FAM13B: variants seen among roughly 807,000 people sequenced by gnomAD.
The protein encoded by FAM13B is protein FAM13B.
In FAM13B, 60 loss-of-function variants were observed where a neutral mutation model predicts 117.3. That is an observed-to-expected ratio of 0.51 (90% CI 0.42 to 0.63). The LOEUF (loss-of-function observed/expected upper bound fraction) is 0.63, where lower values mean the gene tolerates loss of function less well. Ranked by LOEUF, FAM13B falls within the 30% of genes least tolerant of loss-of-function variation. The pLI, the probability that FAM13B is intolerant of heterozygous loss-of-function variation, is 0.00. For synonymous variants in FAM13B, 332 were observed against 356.1 expected (o/e 0.93, Z 0.76); for missense variants, 972 against 1,091.9 (o/e 0.89, Z 1.55).
At chr5:137,980,152 G>T (rs540074060) in intron 10 of FAM13B, among the ~76,000 whole-genome samples, 65 of 146,724 alleles carry the variant, frequency 4.4e-4, no homozygotes, top group African/African-American at 1.6e-3. Flanking sequence ...TAGCCGGGGC[G>T]ACAAGAATGA....
chr5:138,025,075 C>T (rs779169150), intron 1 of FAM13B, among the ~76,000 whole-genome samples: 4 of 151,566 alleles, frequency 2.6e-5, no homozygotes, highest in African/African-American at 7.3e-5. Context: ...AGTTTCACCA[C>T]GTTGGCCAGG....
chr5:137,999,104 C>CTTTTTTTTTTTTTTTTTTTTTTTTTT (rs397962950), intron 7 of FAM13B, among the ~76,000 whole-genome samples: 1 of 139,786 alleles, frequency 7.2e-6, no homozygotes. Context: ...CCTTCAGGGT[C>CTTTTTTTTTTTTTTTTTTTTTTTTTT]TTTTTTTTTT....
chr5:137,970,787 CA>C lies in FAM13B; in HGVS notation c.1180-8319del, dbSNP rs1384309371. Among the ~76,000 whole-genome samples the C allele has an allele frequency of 2.0e-5, 3 of 151,354 alleles. No individual in the cohort carries two copies. In the East Asian group the frequency reaches 5.8e-4, roughly 29 times the overall value. On this transcript the variant is annotated intron_variant, in intron 10 of 23. Coordinates refer to ENST00000689681, the MANE Select transcript of FAM13B (RefSeq NM_001385994.1). Reference sequence around the variant, plus strand: ...GAAGATCTACCAAGCAAATGGAAAACAAAAAAAGGCAGGGGTTGCAATCCTA... The same window carrying C: ...GAAGATCTACCAAGCAAATGGAAAACAAAAAAGGCAGGGGTTGCAATCCTA...
intron 10 of FAM13B, among the ~76,000 whole-genome samples, chr5:137,966,476 T>TAG (rs1769836390): frequency 3.0e-5 from 2 of 66,906 alleles, no homozygotes; most frequent in African/African-American, 5.5e-5. Flanking sequence ...TATATATATA[T>TAG]ATATATATAT....
chr5:138,031,985 C>A (rs1241624145), intron 1 of FAM13B, among the ~76,000 whole-genome samples: 2 of 152,214 alleles, frequency 1.3e-5, no homozygotes, highest in African/African-American at 4.8e-5. Context: ...TTTAGATTAT[C>A]AGATCCTTCA....
intron 15 of FAM13B, among the ~76,000 whole-genome samples, chr5:137,953,925 A>C (rs557238703): frequency 2.0e-5 from 3 of 152,284 alleles, no homozygotes; most frequent in East Asian, 3.9e-4. Context: ...GCAAACTTCA[A>C]ACGCTACACC....
intron 1 of FAM13B, among the ~76,000 whole-genome samples, chr5:138,041,564 C>A (rs1791500967): frequency 6.6e-6 from 1 of 151,760 alleles, no homozygotes; most frequent in South Asian, 2.1e-4. Context: ...TTAAGGAGGA[C>A]AAATAGTAAA....
chr5:137,993,959 T>C (rs1315185019), intron 7 of FAM13B, among the ~76,000 whole-genome samples: 1 of 152,128 alleles, frequency 6.6e-6, no homozygotes, highest in Non-Finnish European at 1.5e-5. Context: ...CTGGCCTAGG[T>C]CTATATCCAG....
intron 1 of FAM13B, among the ~76,000 whole-genome samples, chr5:138,024,569 TATTAC>T (rs1561542824): frequency 1.0e-5 from 1 of 99,788 alleles, no homozygotes; most frequent in East Asian, 2.8e-4. Context: ...TAAACTACAA[TATTAC>T]ATTCTAAAAA....
At chr5:137,985,737 T>A (rs1210873148) in intron 9 of FAM13B, among the ~76,000 whole-genome samples, 1 of 152,234 alleles carries the variant, frequency 6.6e-6, no homozygotes. Flanking sequence ...AGTCCAGTAC[T>A]AGACACTACA....
At position 137,957,152 on chromosome 5, in the gene FAM13B, A is replaced by G. The variant is rs1249566926; in HGVS notation, c.1442-610T>C. ...ATTTGGAGTCATCCCACTTCTCTAC[A>G]AAGAGTCACATCAAACAAAGCATGT... On this transcript the variant is annotated intron_variant, in intron 13 of 23. Transcript: ENST00000689681. Among the ~76,000 whole-genome samples the G allele has an allele frequency of 2.0e-5, 3 of 152,332 alleles. No homozygotes were observed. The East Asian group carries it at 5.8e-4, about 29-fold the overall frequency.
intron 10 of FAM13B, 143 bp from the exon 11 acceptor site, chr5:137,962,612 G>A (rs992336256): frequency 1.4e-5 from 9 of 635,684 alleles, no homozygotes; most frequent in East Asian, 2.9e-5. Flanking sequence ...GTAGTACTTA[G>A]CATCTCTTTT....
intron 7 of FAM13B, among the ~76,000 whole-genome samples, chr5:138,000,230 T>C (rs1780875883): frequency 1.3e-5 from 2 of 152,018 alleles, no homozygotes; most frequent in African/African-American, 2.4e-5. Flanking sequence ...AGACCTTGTA[T>C]TTACAACAAA....
At chr5:138,034,561 A>G (rs1256743770), upstream of FAM13B, among the ~76,000 whole-genome samples, 2 of 152,216 alleles carry the variant, frequency 1.3e-5, no homozygotes, top group African/African-American at 4.8e-5. Context: ...AATTCATATC[A>G]TGGTTTACAA....
intron 1 of FAM13B, among the ~76,000 whole-genome samples, chr5:138,025,276 TACAA>T (rs1787975017): frequency 7.1e-6 from 1 of 140,480 alleles, no homozygotes; most frequent in Non-Finnish European, 1.5e-5. Flanking sequence ...TAACAGTGAT[TACAA>T]ACAAAGCCAT....
Position 137,942,832 on chromosome 5 carries a change from T to G in FAM13B, c.2588+43A>C, listed in dbSNP as rs145471776. On this transcript the variant is annotated intron_variant, in intron 22 of 23. Coordinates refer to ENST00000689681, the MANE Select transcript of FAM13B (RefSeq NM_001385994.1). ...ACATCAAATTTCTTGGCATATACATTTTATTATAAAAATAGGCTAAAATCA... is the reference window on the plus strand; with the variant it reads ...ACATCAAATTTCTTGGCATATACATGTTATTATAAAAATAGGCTAAAATCA... 3.4e-4 allele frequency: 532 copies of G among 1,550,266 alleles called. 5 individuals carry two copies. In the East Asian group the frequency reaches 6.9e-3, roughly 20 times the overall value.
rs536351739 is a variant in FAM13B, at chr5:137,974,251, T to C, written c.1179+11006A>G. Among the ~76,000 whole-genome samples the C allele has an allele frequency of 9.2e-5, 14 of 151,982 alleles. No individual in the cohort carries two copies. The South Asian group carries it at 2.7e-3, about 29-fold the overall frequency. ...CTGGATTAAGAAAATGTGGCACATATACACCATGGAATACTATACTATGCG... is the reference window on the plus strand; with the variant it reads ...CTGGATTAAGAAAATGTGGCACATACACACCATGGAATACTATACTATGCG... On this transcript the variant is annotated intron_variant, in intron 10 of 23. Transcript: ENST00000689681.
At chr5:137,993,156 T>C (rs530857977) in intron 7 of FAM13B, among the ~76,000 whole-genome samples, 37 of 152,310 alleles carry the variant, frequency 2.4e-4, no homozygotes, top group Non-Finnish European at 3.4e-4. Flanking sequence ...AAGGAAGTGA[T>C]TGCTATAATG....
chr5:137,969,871 T>A (rs11242403), intron 10 of FAM13B, among the ~76,000 whole-genome samples: 1 of 151,822 alleles, frequency 6.6e-6, no homozygotes, highest in African/African-American at 2.4e-5. Context: ...TGATGGAAGA[T>A]CAAATGAATG....
Sources: gnomAD v4.1 joint callset for allele counts (sites outside exome capture counted in the v4.1 genomes callset) on GRCh38, gnomAD v4.1.1 for gene constraint, MANE v1.5 for transcripts, NCBI Gene and HGNC (gene_info 2026-07-23, HGNC 2026-07-21) for gene names.